DSCAM: variants seen among roughly 807,000 people sequenced by gnomAD.
DSCAM encodes DS cell adhesion molecule.
A neutral mutation model predicts 217.7 loss-of-function variants in DSCAM; 47 were observed. The observed-to-expected ratio is 0.22, with a 90% confidence interval of 0.17 to 0.28. The LOEUF is 0.28. Ranked by LOEUF, DSCAM falls within the 10% of genes least tolerant of loss-of-function variation. DSCAM has a pLI of 1.00. For synonymous variants in DSCAM, 1,056 were observed against 1,015.3 expected (o/e 1.04, Z -0.76); for missense variants, 2,080 against 2,618.3 (o/e 0.79, Z 4.49).
chr21:40,437,426 G>A (rs1393876884), intron 3 of DSCAM, among the ~76,000 whole-genome samples: 8 of 152,208 alleles, frequency 5.3e-5, no homozygotes, highest in African/African-American at 1.9e-4. Flanking sequence ...GGAGAAGTAT[G>A]AAGATTCCCA....
At chr21:40,539,838 G>A (rs1668855569) in intron 3 of DSCAM, among the ~76,000 whole-genome samples, 2 of 152,032 alleles carry the variant, frequency 1.3e-5, no homozygotes, top group Admixed American at 6.5e-5. Context: ...TAAGACCCAG[G>A]GCATTCCTGG....
intron 11 of DSCAM, among the ~76,000 whole-genome samples, chr21:40,271,812 A>AATGTATAACTGAAC (rs2073621153): frequency 6.6e-6 from 1 of 152,146 alleles, no homozygotes; most frequent in Non-Finnish European, 1.5e-5. Flanking sequence ...ACCAGACACA[A>AATGTATAACTGAAC]ATGTATAACT....
At chr21:40,364,898 TTGTTA>T (rs1271070678) in intron 4 of DSCAM, among the ~76,000 whole-genome samples, 1 of 149,906 alleles carries the variant, frequency 6.7e-6, no homozygotes, top group African/African-American at 2.4e-5. Context: ...CCTTACATTT[TTGTTA>T]TATTTCAAGA....
chr21:40,220,294 G>T (rs967282165), intron 11 of DSCAM, among the ~76,000 whole-genome samples: 5 of 152,106 alleles, frequency 3.3e-5, no homozygotes, highest in Non-Finnish European at 7.4e-5. Flanking sequence ...ATTTCCAAAC[G>T]TAGCCAAGTC....
chr21:40,522,784 C>A (rs2076369675), intron 3 of DSCAM, among the ~76,000 whole-genome samples: 2 of 152,178 alleles, frequency 1.3e-5, no homozygotes, highest in Non-Finnish European at 2.9e-5. Context: ...TTTCCATTCG[C>A]AACTCCATCA....
intron 3 of DSCAM, among the ~76,000 whole-genome samples, chr21:40,570,198 C>G (rs966991243): frequency 6.6e-6 from 1 of 152,238 alleles, no homozygotes; most frequent in Admixed American, 6.5e-5. Flanking sequence ...GTTTGGAAAG[C>G]TGGTTACTGG....
chr21:40,134,131 A>T (rs403892), intron 18 of DSCAM, 122 bp from the exon 19 acceptor site: 2 of 1,250,926 alleles, frequency 1.6e-6, no homozygotes, highest in Non-Finnish European at 2.2e-6. Flanking sequence ...TCATCTGGAC[A>T]CGAGAATTCT....
chr21:40,281,624 G>T (rs2073761147), intron 10 of DSCAM, among the ~76,000 whole-genome samples: 1 of 152,164 alleles, frequency 6.6e-6, no homozygotes, highest in African/African-American at 2.4e-5. Flanking sequence ...CTAGCTGAGG[G>T]TTAATTTTTT....
At chr21:40,358,523 C>A (rs1227877874) in intron 4 of DSCAM, among the ~76,000 whole-genome samples, 1 of 152,012 alleles carries the variant, frequency 6.6e-6, no homozygotes, top group Non-Finnish European at 1.5e-5. Context: ...AAATTAAGAA[C>A]TGGCCCAGTG....
intron 1 of DSCAM, among the ~76,000 whole-genome samples, chr21:40,788,609 T>G (rs2091613515): frequency 6.6e-6 from 1 of 152,178 alleles, no homozygotes; most frequent in Non-Finnish European, 1.5e-5. Context: ...GTTAGGTAAC[T>G]TGCAGTGATA....
rs374640331 is a variant in DSCAM at position 40,293,683 on chromosome 21, T to G, written c.2182+2372A>C. 6.7e-4 allele frequency among the ~76,000 whole-genome samples: 102 copies of G among 152,238 alleles called. No individual in the cohort carries two copies. The South Asian group carries it at 8.9e-3, about 13-fold the overall frequency. On this transcript the variant is annotated intron_variant, in intron 10 of 32. Coordinates refer to ENST00000400454, the MANE Select transcript of DSCAM (RefSeq NM_001389.5). ...AAAAATACAAAAAAATTAGCCAGGC[T>G]TGGTGGTGTACACCTGTAATCCCAG...
intron 19 of DSCAM, among the ~76,000 whole-genome samples, chr21:40,132,867 G>A (rs1446147662): frequency 1.3e-5 from 2 of 152,176 alleles, no homozygotes; most frequent in African/African-American, 4.8e-5. Flanking sequence ...CTCTAGTAGT[G>A]GGGGAGATAG....
At chr21:40,113,678 A>T (rs62237605) in intron 20 of DSCAM, among the ~76,000 whole-genome samples, 1,872 of 152,332 alleles carry the variant, frequency 0.012, 19 homozygotes, top group Non-Finnish European at 0.021. Context: ...GTCTCAGCCC[A>T]AAATCTCCTT....
At chr21:40,467,930 CAAAAAAA>C (rs56379350) in intron 3 of DSCAM, among the ~76,000 whole-genome samples, 1 of 84,426 alleles carries the variant, frequency 1.2e-5, no homozygotes, top group Non-Finnish European at 2.3e-5. Context: ...AAAGATTAAC[CAAAAAAA>C]AAAAAAAAAA....
chr21:40,365,142 T>G (rs1217704532), intron 4 of DSCAM, among the ~76,000 whole-genome samples: 1 of 152,112 alleles, frequency 6.6e-6, no homozygotes, highest in Non-Finnish European at 1.5e-5. Context: ...ATGCAAAGTA[T>G]TGTTCCTGGG....
chr21:40,815,560 G>C (rs559808329), intron 1 of DSCAM, among the ~76,000 whole-genome samples: 23 of 152,274 alleles, frequency 1.5e-4, no homozygotes, highest in African/African-American at 5.5e-4. Context: ...CTGTGATTAC[G>C]TCCGTTTTCC....
chr21:40,084,164 G>A (rs2089501544), intron 23 of DSCAM, among the ~76,000 whole-genome samples, 158 bp from the exon 24 acceptor site: 1 of 151,874 alleles, frequency 6.6e-6, no homozygotes, highest in African/African-American at 2.4e-5. Context: ...TGTCTATTTA[G>A]TTGATATCCT....
intron 1 of DSCAM, among the ~76,000 whole-genome samples, chr21:40,810,119 A>T (rs1028941042): frequency 6.6e-6 from 1 of 152,196 alleles, no homozygotes; most frequent in African/African-American, 2.4e-5. Flanking sequence ...CAGACAAAGA[A>T]GAGGGCTGGA....
intron 20 of DSCAM, among the ~76,000 whole-genome samples, chr21:40,108,506 CACAA>C (rs2089851167): frequency 6.6e-6 from 1 of 152,252 alleles, no homozygotes; most frequent in African/African-American, 2.4e-5. Context: ...TCAGAGATGA[CACAA>C]ACAAATGGAA....
Sources: allele counts gnomAD v4.1 joint callset (sites outside exome capture counted in the v4.1 genomes callset), GRCh38; gene constraint gnomAD v4.1.1; transcripts MANE v1.5; gene names NCBI Gene and HGNC (gene_info 2026-07-23, HGNC 2026-07-21).